Variants in ARPC2 observed in about 807,000 individuals in gnomAD.
ARPC2 encodes actin-related protein 2/3 complex subunit 2.
A neutral mutation model predicts 38.6 loss-of-function variants in ARPC2; 4 were observed. The ratio of observed to expected loss-of-function variants is 0.10; its 90% CI spans 0.05 to 0.24. The LOEUF is 0.24. ARPC2 is among the 10% of genes least tolerant of loss of function. The probability of loss-of-function intolerance (pLI) is 1.00; values close to 1 mark genes in which losing one functional copy is unlikely to be tolerated. For missense variants in ARPC2, 229 were observed against 387.3 expected, an observed-to-expected ratio of 0.59 and a Z score of 3.43; for synonymous variants, 125 against 140.8, an observed-to-expected ratio of 0.89 and a Z score of 0.79.
intron 2 of ARPC2, among the ~76,000 whole-genome samples, chr2:218,224,034 A>G (rs1302883206): frequency 1.3e-5 from 2 of 152,286 alleles, no homozygotes; most frequent in Admixed American, 6.5e-5. Flanking sequence ...TACTCTCCTC[A>G]GCAGCCATTC....
At chr2:218,230,548 C>T (rs1186180456) in intron 4 of ARPC2, among the ~76,000 whole-genome samples, 1 of 152,152 alleles carries the variant, frequency 6.6e-6, no homozygotes, top group Non-Finnish European at 1.5e-5. Flanking sequence ...GTCCTCCTTC[C>T]TGGGCCTCCC....
chr2:218,229,786 C>T (rs1414357848), intron 4 of ARPC2, among the ~76,000 whole-genome samples: 1 of 152,014 alleles, frequency 6.6e-6, no homozygotes, highest in Non-Finnish European at 1.5e-5. Context: ...CTCATAAGTT[C>T]AAAGAAAGAA....
intron 7 of ARPC2, among the ~76,000 whole-genome samples, chr2:218,241,516 A>T (rs965730589): frequency 1.3e-5 from 2 of 152,246 alleles, no homozygotes; most frequent in African/African-American, 4.8e-5. Flanking sequence ...ATTGGGCTAA[A>T]TCCAGAGTAA....
chr2:218,217,467 C>A lies in ARPC2; in HGVS notation c.-4C>A, dbSNP rs758369427. On this transcript the variant is annotated 5_prime_UTR_variant, in exon 2 of 11. Coordinates refer to ENST00000315717, the MANE Select transcript of ARPC2 (RefSeq NM_152862.3). ...TTCTCCTTCCCCTGGGGGCAGCCGCCGCCATGATCCTGCTGGAGGTGAACA... is the reference window on the plus strand; with the variant it reads ...TTCTCCTTCCCCTGGGGGCAGCCGCAGCCATGATCCTGCTGGAGGTGAACA... 1.2e-6 allele frequency: 2 copies of A among 1,613,858 alleles called. No homozygotes were observed. Among genetic ancestry groups the A allele is most frequent in the Non-Finnish European group, 1.7e-6 (2 of 1,179,824 alleles).
chr2:218,217,569 G>A (rs780804955), intron 2 of ARPC2, 25 bp downstream of exon 2: 16 of 1,599,402 alleles, frequency 1.0e-5, no homozygotes, highest in African/African-American at 1.3e-5. Context: ...GGGGCCGGGG[G>A]TGGCGGGGGA....
chr2:218,226,084 C>A, intron 3 of ARPC2, 130 bp downstream of exon 3: 1 of 859,898 alleles, frequency 1.2e-6, no homozygotes, highest in South Asian at 1.4e-5. Flanking sequence ...CACCTGATGT[C>A]AAGAGTTAAA....
intron 3 of ARPC2, 104 bp from the exon 4 acceptor site, chr2:218,228,634 C>A: frequency 1.7e-6 from 1 of 579,470 alleles, no homozygotes; most frequent in Non-Finnish European, 3.1e-6. Context: ...ACTTACATGC[C>A]TCCTTAAAAG....
intron 4 of ARPC2, among the ~76,000 whole-genome samples, chr2:218,230,569 G>A (rs140073060): frequency 0.012 from 1,859 of 152,202 alleles, 41 homozygotes; most frequent in African/African-American, 0.042. Context: ...AAAGTGCTGG[G>A]ATTATAGATG....
chr2:218,246,511 C>T (rs1690035824), intron 8 of ARPC2, among the ~76,000 whole-genome samples: 1 of 152,100 alleles, frequency 6.6e-6, no homozygotes, highest in Non-Finnish European at 1.5e-5. Flanking sequence ...GCCTGGATGA[C>T]AGAGTGAGAC....
At chr2:218,253,816 A>G in intron 10 of ARPC2, 75 bp from the exon 11 acceptor site, 1 of 1,531,812 alleles carries the variant, frequency 6.5e-7, no homozygotes. Flanking sequence ...TTGGGATCCC[A>G]TCTAGTCTAG....
intron 2 of ARPC2, among the ~76,000 whole-genome samples, chr2:218,218,728 G>A (rs957943219): frequency 1.3e-5 from 2 of 152,196 alleles, no homozygotes; most frequent in Non-Finnish European, 2.9e-5. Flanking sequence ...CTTGTGGCTT[G>A]GAGGCATTAG....
chr2:218,252,050 C>G (rs927905451), intron 10 of ARPC2, among the ~76,000 whole-genome samples: 3 of 152,072 alleles, frequency 2.0e-5, no homozygotes, highest in Non-Finnish European at 2.9e-5. Context: ...ATGGAGAAAC[C>G]CCATCTCTAC....
At chr2:218,220,151 A>G (rs908414848) in intron 2 of ARPC2, among the ~76,000 whole-genome samples, 2 of 152,176 alleles carry the variant, frequency 1.3e-5, no homozygotes, top group Non-Finnish European at 2.9e-5. Flanking sequence ...TCAGAGAAAG[A>G]CATTAAAGGG....
At chr2:218,217,437 CT>C (rs745681489) in intron 1 of ARPC2, 25 bp from the exon 2 acceptor site, 22 of 1,612,676 alleles carry the variant, frequency 1.4e-5, no homozygotes, top group Middle Eastern at 3.3e-4. Flanking sequence ...CTCACCGGCC[CT>C]TGTTTCTCCT....
chr2:218,224,397 C>T (rs895117934), intron 2 of ARPC2, among the ~76,000 whole-genome samples: 1 of 152,200 alleles, frequency 6.6e-6, no homozygotes, highest in African/African-American at 2.4e-5. Context: ...TCAGCACAGT[C>T]AGCCTTCCCC....
chr2:218,223,527 T>C (rs530503203), intron 2 of ARPC2, among the ~76,000 whole-genome samples: 98 of 152,332 alleles, frequency 6.4e-4, no homozygotes, highest in Non-Finnish European at 1.1e-3. Context: ...ATCCACACTT[T>C]TATTTATCCA....
rs769688778 is a variant in ARPC2 at position 218,254,016 on chromosome 2, G to A, written c.*101G>A. The A allele has an allele frequency of 5.0e-5, 76 of 1,512,010 alleles. No homozygotes were observed. The highest frequency in any genetic ancestry group is 6.7e-5 in the Non-Finnish European group (74 of 1,099,542). 93.7% of individuals were successfully genotyped at this position (1,512,010 alleles called of 1,614,324 possible). A position where few individuals can be genotyped will look rare whatever the true frequency, so the allele number is the denominator to read the frequency against. On this transcript the variant is annotated 3_prime_UTR_variant, in exon 11 of 11. Coordinates refer to ENST00000315717, the MANE Select transcript of ARPC2 (RefSeq NM_152862.3). Reference sequence around the variant, plus strand: ...TGTTGCGCCTCTTCAGGTTCTTAAGGGATTCTCCGTTTTGGTTCCATTTTG... The same window carrying A: ...TGTTGCGCCTCTTCAGGTTCTTAAGAGATTCTCCGTTTTGGTTCCATTTTG...
intron 8 of ARPC2, among the ~76,000 whole-genome samples, chr2:218,247,096 G>C (rs887877493): frequency 6.6e-6 from 1 of 152,166 alleles, no homozygotes; most frequent in Non-Finnish European, 1.5e-5. Context: ...CTACACTCCA[G>C]CCTGGGTGGC....
chr2:218,217,640 A>C, intron 2 of ARPC2, 96 bp downstream of exon 2: 1 of 1,302,648 alleles, frequency 7.7e-7, no homozygotes, highest in Non-Finnish European at 1.1e-6. Context: ...GGAGGAGAGA[A>C]ATGGGGTGCC....
Sources: allele counts gnomAD v4.1 joint callset (sites outside exome capture counted in the v4.1 genomes callset), GRCh38; gene constraint gnomAD v4.1.1; transcripts MANE v1.5; gene names NCBI Gene and HGNC (gene_info 2026-07-23, HGNC 2026-07-21).